The following IKZF2 variants were observed in gnomAD, a reference collection of about 807,000 sequenced individuals.
IKZF2 encodes the protein IKAROS family zinc finger 2.
IKZF2 carries 15 observed loss-of-function variants against 49.2 expected under a neutral mutation model. The observed-to-expected ratio is 0.30, with a 90% CI of 0.20 to 0.47. The LOEUF is 0.47. IKZF2 is among the 20% of genes least tolerant of loss of function. The pLI, the probability that IKZF2 is intolerant of heterozygous loss-of-function variation, is 1.00. For synonymous variants in IKZF2, 227 were observed against 221.4 expected, an observed-to-expected ratio of 1.03 and a Z score of -0.23; for missense variants, 567 against 664.6, an observed-to-expected ratio of 0.85 and a Z score of 1.61.
At chr2:213,135,079 G>T (rs1339888090) in intron 4 of IKZF2, among the ~76,000 whole-genome samples, 1 of 152,096 alleles carries the variant, frequency 6.6e-6, no homozygotes, top group African/African-American at 2.4e-5. Context: ...GCTAAAAATA[G>T]TTTCTCTTTA....
chr2:213,049,997 A>C, intron 5 of IKZF2, 117 bp from the exon 6 acceptor site: 1 of 652,412 alleles, frequency 1.5e-6, no homozygotes, highest in Non-Finnish European at 2.3e-6. Flanking sequence ...CTCCCTCATA[A>C]GTCTTTTAAA....
chr2:213,008,112 TAAAAA>T, intron 8 of IKZF2, 28 bp from the exon 9 acceptor site: 1 of 1,280,256 alleles, frequency 7.8e-7, no homozygotes, highest in Non-Finnish European at 1.0e-6. Flanking sequence ...GTGAAAGAAG[TAAAAA>T]AAAAAAAAAA....
chr2:213,109,402 T>C (rs141922186), intron 4 of IKZF2, among the ~76,000 whole-genome samples: 24 of 152,178 alleles, frequency 1.6e-4, no homozygotes, highest in Non-Finnish European at 2.6e-4. Context: ...ACAGGAATAA[T>C]AGATGCTTGC....
At chr2:213,055,436 T>C (rs1219706216) in intron 5 of IKZF2, among the ~76,000 whole-genome samples, 1 of 150,434 alleles carries the variant, frequency 6.6e-6, no homozygotes, top group African/African-American at 2.4e-5. Flanking sequence ...TTTTAAAACA[T>C]CGTGCTGTTT....
chr2:213,040,686 G>T (rs1477887705), intron 6 of IKZF2, among the ~76,000 whole-genome samples: 1 of 151,988 alleles, frequency 6.6e-6, no homozygotes, highest in Non-Finnish European at 1.5e-5. Context: ...AAAGTAAAAG[G>T]TGTAATATAT....
Position 213,151,445 on chromosome 2 carries a change from A to C in IKZF2, c.-152T>G, listed in dbSNP as rs2061278344. 1 of 152,066 alleles carries C rather than the reference A, an allele frequency of 6.6e-6. No individual in the cohort carries two copies. Among genetic ancestry groups the C allele is most frequent in the Admixed American group, 6.6e-5 (1 of 15,256 alleles). The allele number at this position is 152,066 out of a possible 1,614,324, so 9.4% of individuals were successfully genotyped here. A position where few individuals can be genotyped will look rare whatever the true frequency, so the allele number is the denominator to read the frequency against. On this transcript the variant is annotated 5_prime_UTR_variant, in exon 1 of 9. Transcript: ENST00000434687. ...GTGCATGCAGTAAAATAATCCCATC[A>C]CCCTTTTGTTTGTGTTTACTGTTAA...
At chr2:213,113,632 A>C (rs1482550544) in intron 4 of IKZF2, among the ~76,000 whole-genome samples, 2 of 152,188 alleles carry the variant, frequency 1.3e-5, no homozygotes, top group Non-Finnish European at 2.9e-5. Flanking sequence ...CCATGTTTCA[A>C]AGTTAATTTA....
intron 4 of IKZF2, among the ~76,000 whole-genome samples, chr2:213,135,460 G>A (rs888087614): frequency 2.6e-5 from 4 of 152,118 alleles, no homozygotes; most frequent in Non-Finnish European, 4.4e-5. Context: ...GCTGAGGCGG[G>A]AGAATCACTT....
At chr2:213,124,240 T>TCGCGCGCG (rs143337769) in intron 4 of IKZF2, among the ~76,000 whole-genome samples, 35 of 118,406 alleles carry the variant, frequency 3.0e-4, no homozygotes, top group African/African-American at 1.1e-3. Flanking sequence ...ACACATGCGC[T>TCGCGCGCG]CGCGCGCGCG....
intron 6 of IKZF2, among the ~76,000 whole-genome samples, chr2:213,030,124 T>A (rs1181163354): frequency 4.6e-5 from 7 of 152,156 alleles, no homozygotes; most frequent in Non-Finnish European, 1.0e-4. Context: ...CCTATTTGAC[T>A]TATGCTTTTT....
chr2:213,028,232 C>G (rs1698028108), intron 6 of IKZF2, among the ~76,000 whole-genome samples: 2 of 152,068 alleles, frequency 1.3e-5, no homozygotes, highest in Non-Finnish European at 2.9e-5. Context: ...GGACTCTATT[C>G]CATTCCATTA....
intron 7 of IKZF2, among the ~76,000 whole-genome samples, chr2:213,021,034 G>A (rs368108087): frequency 5.5e-4 from 84 of 152,114 alleles, no homozygotes; most frequent in African/African-American, 1.8e-3. Flanking sequence ...CCAACATGGC[G>A]AAACCCCGTC....
rs567155716 is a variant in IKZF2, at chr2:213,132,500, A to G, written c.139+15208T>C. On this transcript the variant is annotated intron_variant, in intron 4 of 8. Coordinates refer to ENST00000434687, the MANE Select transcript of IKZF2 (RefSeq NM_001387220.1). ...CTCCTTGATTCTACACAAGAGAGAA[A>G]AAAAGAACACTGCTGGGGTATGTAT... is the stretch of plus-strand genomic sequence containing the variant. Among the ~76,000 whole-genome samples the G allele has an allele frequency of 4.9e-4, 74 of 152,298 alleles. 1 individual carries two copies. The highest frequency in any genetic ancestry group is 4.8e-3 in the South Asian group (23 of 4,826).
At chr2:213,137,914 C>T (rs2060732250) in intron 4 of IKZF2, among the ~76,000 whole-genome samples, 1 of 151,998 alleles carries the variant, frequency 6.6e-6, no homozygotes, top group South Asian at 2.1e-4. Flanking sequence ...TGTTGAATGT[C>T]TTAGTAAGAA....
intron 4 of IKZF2, among the ~76,000 whole-genome samples, chr2:213,110,410 G>GA (rs1553591675): frequency 6.7e-6 from 1 of 149,614 alleles, no homozygotes. Flanking sequence ...CATTTCTGGG[G>GA]TTTTTTTTAC....
intron 6 of IKZF2, among the ~76,000 whole-genome samples, chr2:213,028,487 T>G (rs940044248): frequency 6.6e-6 from 1 of 152,158 alleles, no homozygotes. Context: ...ATACTGAATC[T>G]TTTAAATCAT....
intron 8 of IKZF2, among the ~76,000 whole-genome samples, chr2:213,010,780 G>A (rs576953249): frequency 3.9e-5 from 6 of 152,196 alleles, no homozygotes; most frequent in African/African-American, 1.4e-4. Flanking sequence ...AAGGTGTAGT[G>A]TAGAGCTACA....
intron 4 of IKZF2, among the ~76,000 whole-genome samples, chr2:213,083,710 C>A (rs895014301): frequency 1.3e-5 from 2 of 151,020 alleles, no homozygotes; most frequent in African/African-American, 2.4e-5. Flanking sequence ...CCTCAGATGG[C>A]GAACTTTATT....
chr2:213,120,011 A>G (rs1479409781), intron 4 of IKZF2, among the ~76,000 whole-genome samples: 2 of 152,210 alleles, frequency 1.3e-5, no homozygotes, highest in African/African-American at 4.8e-5. Context: ...TTCCCCAGGT[A>G]AAGCAGCCAA....
Sources: gnomAD v4.1 joint callset for allele counts (sites outside exome capture counted in the v4.1 genomes callset) on GRCh38, gnomAD v4.1.1 for gene constraint, MANE v1.5 for transcripts, NCBI Gene and HGNC (gene_info 2026-07-23, HGNC 2026-07-21) for gene names.